GAS7: variants seen among roughly 807,000 people sequenced by gnomAD.
GAS7 encodes growth arrest-specific protein 7.
A neutral mutation model predicts 71.1 loss-of-function variants in GAS7; 28 were observed. That is an observed-to-expected ratio of 0.39 (90% CI 0.29 to 0.54). GAS7 has a LOEUF of 0.54. Among genes scored for constraint, GAS7 ranks in the 20% least tolerant of loss-of-function variants. The probability of loss-of-function intolerance (pLI) is 0.62; values close to 1 mark genes in which losing one functional copy is unlikely to be tolerated. For synonymous variants in GAS7, 258 were observed against 245.8 expected (o/e 1.05, Z -0.46); for missense variants, 436 against 627.8 (o/e 0.69, Z 3.27).
chr17:10,089,848 A>G (rs2073562138), intron 1 of GAS7, among the ~76,000 whole-genome samples: 1 of 152,202 alleles, frequency 6.6e-6, no homozygotes, highest in African/African-American at 2.4e-5. Flanking sequence ...GGCAACCACC[A>G]GGAGAACTAA....
intron 8 of GAS7, among the ~76,000 whole-genome samples, chr17:9,937,373 G>A (rs984004475): frequency 8.5e-5 from 13 of 152,252 alleles, no homozygotes; most frequent in Non-Finnish European, 1.5e-4. Flanking sequence ...AGAGATGGAA[G>A]CCGGAAGACT....
intron 1 of GAS7, among the ~76,000 whole-genome samples, chr17:10,111,283 CCA>C (rs2073809049): frequency 1.7e-5 from 2 of 118,666 alleles, no homozygotes; most frequent in South Asian, 3.2e-4. Flanking sequence ...GCCTGTAATC[CCA>C]CAACTTTGGG....
At chr17:9,934,118 T>C in intron 9 of GAS7, 48 bp downstream of exon 9, 2 of 1,169,416 alleles carry the variant, frequency 1.7e-6, no homozygotes, top group South Asian at 2.4e-5. Flanking sequence ...TATTTTTTAG[T>C]ACCCCAGTGT....
At chr17:10,059,963 T>A (rs905217483) in intron 1 of GAS7, 6 of 235,238 alleles carry the variant, frequency 2.6e-5, no homozygotes, top group Non-Finnish European at 4.2e-5. Context: ...CCTTTCCCCC[T>A]GAGGGTGGGT....
intron 1 of GAS7, among the ~76,000 whole-genome samples, chr17:10,175,596 TTTAGTTAG>T (rs3051291): frequency 0.24 from 36,673 of 151,466 alleles, 4,459 homozygotes; most frequent in South Asian, 0.28. Context: ...CCGCATTTTA[TTTAGTTAG>T]TTAGTTAGTT....
At position 10,005,022 on chromosome 17, in the gene GAS7, T is replaced by A. The variant is rs185711851; in HGVS notation, c.304+14755A>T. On this transcript the variant is annotated intron_variant, in intron 2 of 13. Transcript: ENST00000432992. ...AGGACTTCATCTCTCTCTCTCGCTC[T>A]CTCTCTCTATATATACATACATATA... is the stretch of plus-strand genomic sequence containing the variant. Among the ~76,000 whole-genome samples the A allele has an allele frequency of 4.3e-5, 4 of 93,604 alleles. No individual in the cohort carries two copies. In the African/African-American group the frequency reaches 4.3e-4, roughly 10 times the overall value. The allele number at this position is 93,604 out of a possible 152,430, so 61.4% of individuals were successfully genotyped here. A position where few individuals can be genotyped will look rare whatever the true frequency, so the allele number is the denominator to read the frequency against.
intron 1 of GAS7, among the ~76,000 whole-genome samples, chr17:10,052,794 C>T (rs2073080436): frequency 6.6e-6 from 1 of 152,196 alleles, no homozygotes; most frequent in African/African-American, 2.4e-5. Flanking sequence ...CACTTTGGGG[C>T]TTTCTCCTGG....
chr17:10,098,388 T>C (rs1209451093), intron 1 of GAS7, among the ~76,000 whole-genome samples: 2 of 152,172 alleles, frequency 1.3e-5, no homozygotes, highest in African/African-American at 2.4e-5. Flanking sequence ...CGCTGTCCTG[T>C]AGTGGCTGCT....
At chr17:10,106,015 C>G (rs2073753290) in intron 1 of GAS7, among the ~76,000 whole-genome samples, 1 of 152,176 alleles carries the variant, frequency 6.6e-6, no homozygotes, top group Non-Finnish European at 1.5e-5. Flanking sequence ...GGCCTTTATC[C>G]TCTCCTCCTG....
At position 10,056,795 on chromosome 17, in the gene GAS7, C is replaced by T. The variant is rs192236160; in HGVS notation, c.184-36898G>A. On this transcript the variant is annotated intron_variant, in intron 1 of 13. Coordinates refer to ENST00000432992, the MANE Select transcript of GAS7 (RefSeq NM_201433.2). The stretch of plus-strand genomic sequence containing the variant: ...CGATCTCCCTCTCCCTCTCTTTCCA[C>T]GGTCTCCCTCTCCCTCTCTTTCCAC... 9.8e-3 allele frequency among the ~76,000 whole-genome samples: 1,480 copies of T among 151,038 alleles called. 16 individuals carry two copies. Among genetic ancestry groups the T allele is most frequent in the African/African-American group, 0.03 (1,232 of 40,792 alleles).
Position 9,912,590 on chromosome 17 carries a change from C to A in GAS7, c.*4638G>T. The A allele has an allele frequency of 8.6e-6, 2 of 232,928 alleles. No homozygotes were observed. Among genetic ancestry groups the A allele is most frequent in the Middle Eastern group, 2.5e-3 (2 of 786 alleles). 14.4% of individuals were successfully genotyped at this position (232,928 alleles called of 1,614,324 possible). ...GATGCAAGCTTCAGGTTGCAGCAGACGTGAGCAGCAATTGAGCACCCATCC... is the reference window on the plus strand; with the variant it reads ...GATGCAAGCTTCAGGTTGCAGCAGAAGTGAGCAGCAATTGAGCACCCATCC... On this transcript the variant is annotated 3_prime_UTR_variant, in exon 14 of 14. Coordinates refer to ENST00000432992, the MANE Select transcript of GAS7 (RefSeq NM_201433.2).
intron 11 of GAS7, among the ~76,000 whole-genome samples, chr17:9,923,551 T>C (rs1476858755): frequency 6.6e-6 from 1 of 152,246 alleles, no homozygotes; most frequent in Non-Finnish European, 1.5e-5. Flanking sequence ...TTTATATGTA[T>C]ATTTTACATA....
At chr17:9,971,788 A>G (rs1326165280) in intron 3 of GAS7, among the ~76,000 whole-genome samples, 3 of 152,058 alleles carry the variant, frequency 2.0e-5, no homozygotes, top group African/African-American at 7.2e-5. Flanking sequence ...TCTAGAGAAA[A>G]CTCTATAGCG....
At chr17:9,933,176 T>C (rs1567790358) in intron 9 of GAS7, among the ~76,000 whole-genome samples, 1 of 151,656 alleles carries the variant, frequency 6.6e-6, no homozygotes, top group Non-Finnish European at 1.5e-5. Context: ...TGTCTCAAAA[T>C]CAATAAATCA....
chr17:10,087,783 G>A (rs1416096227), intron 1 of GAS7, among the ~76,000 whole-genome samples: 1 of 152,090 alleles, frequency 6.6e-6, no homozygotes, highest in Non-Finnish European at 1.5e-5. Flanking sequence ...AAATCCACAG[G>A]TCTCTCAGAA....
chr17:10,109,657 G>A (rs751109889), intron 1 of GAS7, among the ~76,000 whole-genome samples: 11 of 152,188 alleles, frequency 7.2e-5, no homozygotes, highest in Non-Finnish European at 1.3e-4. Flanking sequence ...AGTGGCTCAC[G>A]CCTGTAATTC....
intron 1 of GAS7, among the ~76,000 whole-genome samples, chr17:10,100,655 C>T (rs1031381739): frequency 6.6e-6 from 1 of 152,160 alleles, no homozygotes; most frequent in African/African-American, 2.4e-5. Flanking sequence ...CCCAACCCCC[C>T]CATCCAGGCT....
chr17:9,955,091 G>A (rs1378031496), intron 5 of GAS7, among the ~76,000 whole-genome samples: 2 of 152,136 alleles, frequency 1.3e-5, no homozygotes, highest in Non-Finnish European at 2.9e-5. Context: ...TAATTCCTGG[G>A]CCACCACTTT....
intron 11 of GAS7, among the ~76,000 whole-genome samples, chr17:9,922,417 T>A (rs1445510715): frequency 6.6e-6 from 1 of 152,228 alleles, no homozygotes. Context: ...ACTGTGGACC[T>A]CATGGAAGGT....
Sources: allele counts gnomAD v4.1 joint callset (sites outside exome capture counted in the v4.1 genomes callset), GRCh38; gene constraint gnomAD v4.1.1; transcripts MANE v1.5; gene names NCBI Gene and HGNC (gene_info 2026-07-23, HGNC 2026-07-21).